The following SIPA1L3 variants were observed in gnomAD, a reference collection of about 807,000 sequenced individuals.
SIPA1L3 encodes signal-induced proliferation-associated 1-like protein 3.
A neutral mutation model predicts 150.1 loss-of-function variants in SIPA1L3; 59 were observed. The observed-to-expected ratio is 0.39, with a 90% CI of 0.32 to 0.49. The LOEUF (loss-of-function observed/expected upper bound fraction) is 0.49, where lower values mean the gene tolerates loss of function less well. Among genes scored for constraint, SIPA1L3 ranks in the 20% least tolerant of loss-of-function variants. The pLI is 0.86. For synonymous variants in SIPA1L3, 1,070 were observed against 1,077.6 expected, an observed-to-expected ratio of 0.99 and a Z score of 0.14; for missense variants, 2,211 against 2,489.5, an observed-to-expected ratio of 0.89 and a Z score of 2.38.
chr19:38,124,751 G>A (rs1160672635), intron 9 of SIPA1L3, among the ~76,000 whole-genome samples: 4 of 152,234 alleles, frequency 2.6e-5, no homozygotes, highest in African/African-American at 4.8e-5. Flanking sequence ...TGCAATCCCG[G>A]CACCTCGGGA....
intron 15 of SIPA1L3, among the ~76,000 whole-genome samples, chr19:38,174,055 C>T (rs1323963828): frequency 6.6e-6 from 1 of 151,976 alleles, no homozygotes; most frequent in Non-Finnish European, 1.5e-5. Flanking sequence ...TTCACATGTT[C>T]CCAGGATCTC....
intron 1 of SIPA1L3, among the ~76,000 whole-genome samples, chr19:37,965,712 C>T (rs1434626784): frequency 1.3e-5 from 2 of 150,964 alleles, no homozygotes; most frequent in East Asian, 3.9e-4. Flanking sequence ...ACCCACCTCC[C>T]TGCCCCCACC....
rs1970014316 is a variant in SIPA1L3, at chr19:38,082,400, G to A, written c.835G>A (p.Glu279Lys). The A allele has an allele frequency of 6.3e-7, 1 of 1,598,268 alleles. No individual in the cohort carries two copies. Among genetic ancestry groups the A allele is most frequent in the South Asian group, 1.1e-5 (1 of 90,512 alleles). Reference sequence around the variant, plus strand: ...CCTCCTGCCACTGCAGCCCACGAAGGAGAAGGAGAAGGCCCGGAAGAAACC... The same window carrying A: ...CCTCCTGCCACTGCAGCCCACGAAGAAGAAGGAGAAGGCCCGGAAGAAACC... ...DSLLPLQPTKEKEKARKKPAR... is the reference protein window; with the variant it reads ...DSLLPLQPTKKKEKARKKPAR... The change falls in exon 3 of 22, where the codon GAG becomes AAG. Residue 279 changes from glutamate to lysine, a missense_variant. By Grantham distance (56) the Glu-to-Lys change is moderately conservative (BLOSUM62 1). Around this residue, in one of 5 missense-constraint regions of SIPA1L3, gnomAD observed 587 missense variants for 534.5 expected, o/e 1.10. Coordinates refer to ENST00000222345, the MANE Select transcript of SIPA1L3 (RefSeq NM_015073.3).
At position 37,979,267 on chromosome 19, in the gene SIPA1L3, C is replaced by T. The variant is rs771766780; in HGVS notation, c.-378-49822C>T. Among the ~76,000 whole-genome samples the T allele has an allele frequency of 4.6e-5, 7 of 150,988 alleles. 1 individual carries two copies. Among genetic ancestry groups the T allele is most frequent in the Non-Finnish European group, 8.9e-5 (6 of 67,634 alleles). On this transcript the variant is annotated intron_variant, in intron 1 of 21. Coordinates refer to ENST00000222345, the MANE Select transcript of SIPA1L3 (RefSeq NM_015073.3). The stretch of plus-strand genomic sequence containing the variant: ...GTAAACCTATATGAAATTTAGGTTT[C>T]GCCAGGCACAGTGGCTCACGCCTGT...
At chr19:37,994,536 G>T (rs769691325) in intron 1 of SIPA1L3, among the ~76,000 whole-genome samples, 1 of 152,150 alleles carries the variant, frequency 6.6e-6, no homozygotes, top group Non-Finnish European at 1.5e-5. Flanking sequence ...TCTGAGCACA[G>T]CCACTCTAGA....
chr19:38,007,954 G>A (rs1171143447), intron 1 of SIPA1L3, among the ~76,000 whole-genome samples: 2 of 152,126 alleles, frequency 1.3e-5, no homozygotes, highest in East Asian at 1.9e-4. Flanking sequence ...TGTGAGCTCC[G>A]TGAAGGCAGG....
At position 38,203,921 on chromosome 19, in the gene SIPA1L3, C is replaced by G. The variant is rs901494577; in HGVS notation, c.5121-206C>G. 3 of 571,026 alleles carry G rather than the reference C, an allele frequency of 5.3e-6. No homozygotes were observed. In the African/African-American group the frequency reaches 5.7e-5, roughly 11 times the overall value. The allele number at this position is 571,026 out of a possible 1,614,324, so 35.4% of individuals were successfully genotyped here. A position where few individuals can be genotyped will look rare whatever the true frequency, so the allele number is the denominator to read the frequency against. On this transcript the variant is annotated intron_variant, in intron 20 of 21. Coordinates refer to ENST00000222345, the MANE Select transcript of SIPA1L3 (RefSeq NM_015073.3). ...CCCCTGGCCTGGTGCTCCTAACACC[C>G]CGTCCACATCCACAGAGGTGCCCTT...
At chr19:38,018,632 G>C (rs1418268427) in intron 1 of SIPA1L3, among the ~76,000 whole-genome samples, 1 of 152,098 alleles carries the variant, frequency 6.6e-6, no homozygotes, top group Non-Finnish European at 1.5e-5. Flanking sequence ...ATTGTATGGA[G>C]GTACCACATT....
At chr19:38,142,849 C>T in intron 12 of SIPA1L3, 139 bp downstream of exon 12, 1 of 1,095,702 alleles carries the variant, frequency 9.1e-7, no homozygotes, top group Non-Finnish European at 1.3e-6. Context: ...TCAGAGGAGC[C>T]CCATGGGGTG....
At chr19:38,090,757 A>C (rs1477467285) in intron 4 of SIPA1L3, among the ~76,000 whole-genome samples, 1 of 152,202 alleles carries the variant, frequency 6.6e-6, no homozygotes, top group Admixed American at 6.5e-5. Flanking sequence ...CAAGGACTTG[A>C]CTGTGGGGCC....
intron 1 of SIPA1L3, among the ~76,000 whole-genome samples, chr19:37,933,392 A>G (rs1030610387): frequency 6.6e-6 from 1 of 151,104 alleles, no homozygotes; most frequent in Non-Finnish European, 1.5e-5. Flanking sequence ...CTTCTCCCTC[A>G]CCCTCGCCCT....
At chr19:38,083,705 G>C (rs908175608) in intron 3 of SIPA1L3, among the ~76,000 whole-genome samples, 3 of 152,076 alleles carry the variant, frequency 2.0e-5, no homozygotes, top group Non-Finnish European at 2.9e-5. Flanking sequence ...AAAAGTCTTG[G>C]AACTGCCCGG....
At chr19:38,014,715 G>T (rs1166070720) in intron 1 of SIPA1L3, among the ~76,000 whole-genome samples, 1 of 150,544 alleles carries the variant, frequency 6.6e-6, no homozygotes, top group Admixed American at 6.6e-5. Flanking sequence ...TGTCGCCCAG[G>T]CTGGAGTGCA....
chr19:38,138,910 A>AAAAAAAAAAAAAAAAAAC (rs1343348254), intron 10 of SIPA1L3, among the ~76,000 whole-genome samples: 9 of 112,786 alleles, frequency 8.0e-5, no homozygotes, highest in African/African-American at 1.5e-4. Flanking sequence ...AAAAAAAAAA[A>AAAAAAAAAAAAAAAAAAC]AAAAACTGAG....
chr19:37,945,484 A>G (rs2145538048), intron 1 of SIPA1L3, among the ~76,000 whole-genome samples: 1 of 152,132 alleles, frequency 6.6e-6, no homozygotes, highest in African/African-American at 2.4e-5. Flanking sequence ...CAATCTGCCC[A>G]CTTCAGCCTT....
intron 1 of SIPA1L3, among the ~76,000 whole-genome samples, chr19:38,017,482 C>T (rs949261963): frequency 2.0e-5 from 3 of 151,792 alleles, no homozygotes; most frequent in Non-Finnish European, 4.4e-5. Context: ...TTCCACTGTC[C>T]TCACCCTGGG....
In SIPA1L3 at chr19:37,962,437, C is replaced by A. The variant is rs541098876; in HGVS notation, c.-379+55079C>A. Among the ~76,000 whole-genome samples, 83 of 132,086 alleles carry A rather than the reference C, an allele frequency of 6.3e-4. 1 individual carries two copies. In the South Asian group the frequency reaches 0.02, roughly 32 times the overall value. The allele number at this position is 132,086 out of a possible 152,430, so 86.7% of individuals were successfully genotyped here. On this transcript the variant is annotated intron_variant, in intron 1 of 21. Coordinates refer to ENST00000222345, the MANE Select transcript of SIPA1L3 (RefSeq NM_015073.3). ...GGGGTTACAGGTGTGAGCCACCGTGCTTGGCCATGAGCCACTGCAGCCGGC... is the reference window on the plus strand; with the variant it reads ...GGGGTTACAGGTGTGAGCCACCGTGATTGGCCATGAGCCACTGCAGCCGGC...
intron 2 of SIPA1L3, among the ~76,000 whole-genome samples, chr19:38,059,712 C>T (rs1255552216): frequency 1.3e-5 from 2 of 152,142 alleles, no homozygotes; most frequent in African/African-American, 4.8e-5. Flanking sequence ...CTCAGGTAAC[C>T]CGGGTCCAGA....
chr19:38,009,209 G>A (rs556805893), intron 1 of SIPA1L3, among the ~76,000 whole-genome samples: 2 of 151,598 alleles, frequency 1.3e-5, no homozygotes, highest in South Asian at 2.1e-4. Context: ...TAATAGAGAC[G>A]GGGTTTCACC....
Sources: gnomAD v4.1 joint callset for allele counts (sites outside exome capture counted in the v4.1 genomes callset) on GRCh38, gnomAD v4.1.1 for gene constraint, gnomAD v4.1.1 regional missense constraint, MANE v1.5 for transcripts, NCBI Gene and HGNC (gene_info 2026-07-23, HGNC 2026-07-21) for gene names.